The following UTP18 variants were observed in gnomAD, a reference collection of about 807,000 sequenced individuals.
UTP18 encodes the protein UTP18 small subunit processome component, also known as U3 small nucleolar RNA-associated protein 18 homolog.
A neutral mutation model predicts 61.1 loss-of-function variants in UTP18; 36 were observed. That is an observed-to-expected ratio of 0.59 (90% CI 0.45 to 0.78). The LOEUF (loss-of-function observed/expected upper bound fraction) is 0.78. Among genes scored for constraint, UTP18 ranks in the 30% least tolerant of loss-of-function variants. UTP18 has a pLI of 0.00. For synonymous variants in UTP18, 282 were observed against 251.1 expected (o/e 1.12, Z -1.16); for missense variants, 753 against 693.9 (o/e 1.09, Z -0.96).
intron 6 of UTP18, 139 bp downstream of exon 6, chr17:51,276,130 A>T: frequency 2.5e-6 from 2 of 798,584 alleles, no homozygotes; most frequent in East Asian, 3.3e-5. Context: ...GCTAAGTCTC[A>T]CAGAAGTGAC....
chr17:51,289,529 C>A (rs367563218), intron 11 of UTP18, among the ~76,000 whole-genome samples: 1 of 151,906 alleles, frequency 6.6e-6, no homozygotes. Context: ...AGGATAGCAG[C>A]CTTGGGCCTA....
At chr17:51,264,280 C>T (rs1038539850) in intron 2 of UTP18, among the ~76,000 whole-genome samples, 2 of 152,090 alleles carry the variant, frequency 1.3e-5, no homozygotes, top group Non-Finnish European at 2.9e-5. Context: ...CTCCTGACCT[C>T]AAGTATACAC....
intron 9 of UTP18, among the ~76,000 whole-genome samples, chr17:51,281,705 T>C (rs1260955101): frequency 2.0e-5 from 3 of 152,130 alleles, no homozygotes; most frequent in South Asian, 2.1e-4. Flanking sequence ...CCTGTAGTTA[T>C]GCAAAATGTT....
chr17:51,277,390 A>C, intron 7 of UTP18, 86 bp downstream of exon 7: 1 of 1,406,838 alleles, frequency 7.1e-7, no homozygotes. Context: ...TTTTCACTCC[A>C]TAGGATTCTT....
intron 10 of UTP18, 152 bp from the exon 11 acceptor site, chr17:51,287,877 A>G (rs915579552): frequency 4.7e-5 from 23 of 493,140 alleles, no homozygotes; most frequent in African/African-American, 1.2e-4. Flanking sequence ...TGGAGGTTCT[A>G]TAGGACATCT....
intron 1 of UTP18, among the ~76,000 whole-genome samples, chr17:51,261,502 A>G (rs1487602861): frequency 6.6e-6 from 1 of 152,326 alleles, no homozygotes; most frequent in African/African-American, 2.4e-5. Context: ...ACATTTTGCT[A>G]TCCCTTTAAA....
chr17:51,268,413 A>G (rs1904382429), intron 3 of UTP18, among the ~76,000 whole-genome samples: 1 of 152,188 alleles, frequency 6.6e-6, no homozygotes, highest in African/African-American at 2.4e-5. Context: ...TATTCAGATG[A>G]TATATAATGA....
intron 9 of UTP18, among the ~76,000 whole-genome samples, chr17:51,282,702 A>C (rs1303529437): frequency 6.6e-6 from 1 of 152,170 alleles, no homozygotes; most frequent in Non-Finnish European, 1.5e-5. Flanking sequence ...TAATGTATTT[A>C]CAAATTTGGT....
intron 3 of UTP18, among the ~76,000 whole-genome samples, chr17:51,268,315 G>A (rs113652666): frequency 1.3e-5 from 2 of 152,122 alleles, no homozygotes; most frequent in Non-Finnish European, 2.9e-5. Context: ...CGTGAGCCAT[G>A]GCGCCCGGCC....
At position 51,266,205 on chromosome 17, in the gene UTP18, T is replaced by G; in HGVS notation, c.479T>G (p.Phe160Cys). The G allele has an allele frequency of 6.3e-7, 1 of 1,599,252 alleles. No homozygotes were observed. Among genetic ancestry groups the G allele is most frequent in the Non-Finnish European group, 8.5e-7 (1 of 1,175,356 alleles). ...EEMVDMMNNR[F>C]RKDMMKNASE... The stretch of plus-strand genomic sequence containing the variant: ...AGGGTTGACATGATGAACAATCGGT[T>G]TCGGAAGGATATGATGAAAAATGCT... Residue 160 changes from phenylalanine (F) to cysteine (C), a missense_variant, in exon 3 of 14, where the codon TTT becomes TGT. Transcript: ENST00000225298.
intron 11 of UTP18, among the ~76,000 whole-genome samples, chr17:51,288,816 A>G (rs1006687134): frequency 3.3e-5 from 5 of 152,206 alleles, no homozygotes; most frequent in Non-Finnish European, 7.4e-5. Context: ...GAAAGGGTAC[A>G]TGGAGTAAAG....
chr17:51,266,597 T>C (rs1190682477), intron 3 of UTP18, among the ~76,000 whole-genome samples: 1 of 152,238 alleles, frequency 6.6e-6, no homozygotes. Flanking sequence ...CTGGGTTCAA[T>C]GGTTTTTAAC....
chr17:51,272,815 G>A (rs768834866), intron 4 of UTP18, among the ~76,000 whole-genome samples: 3 of 152,126 alleles, frequency 2.0e-5, no homozygotes, highest in Admixed American at 6.5e-5. Flanking sequence ...TCTTAGCTCC[G>A]CAAGTGTTTT....
At position 51,260,902 on chromosome 17, in the gene UTP18, G is replaced by A. The variant is rs1427398148; in HGVS notation, c.318G>A (p.Leu106=). The A allele has an allele frequency of 3.1e-6, 5 of 1,593,324 alleles. No homozygotes were observed. Among genetic ancestry groups the A allele is most frequent in the Non-Finnish European group, 2.6e-6 (3 of 1,171,460 alleles). The change falls in exon 1 of 14, where the codon TTG becomes TTA. Residue 106 remains leucine, a synonymous_variant. Transcript: ENST00000225298. ...ACGTCGAGAACGACGAGGACGCGTT[G>A]CTGCGGCGTCTGCGAGGCCCGAGGG... is the stretch of plus-strand genomic sequence containing the variant. ...FGDVENDEDA[L]LRRLRGPRVQ... is the part of the protein sequence containing the mutation.
chr17:51,265,831 G>T (rs1465720361), intron 2 of UTP18, among the ~76,000 whole-genome samples: 1 of 152,104 alleles, frequency 6.6e-6, no homozygotes, highest in Non-Finnish European at 1.5e-5. Context: ...CAAAGTGCTG[G>T]GATTACAGGC....
intron 11 of UTP18, among the ~76,000 whole-genome samples, chr17:51,291,165 A>T (rs1209540250): frequency 6.6e-6 from 1 of 152,174 alleles, no homozygotes; most frequent in African/African-American, 2.4e-5. Context: ...AGGCCGAGGC[A>T]GATGGATCAC....
Position 51,296,994 on chromosome 17 carries a change from A to T in UTP18, c.*5A>T. On this transcript the variant is annotated 3_prime_UTR_variant, in exon 13 of 14. Transcript: ENST00000225298. ...CACCATTACTCAGACTTCTAAAGAG[A>T]CTATTTGAAGTAAGAAAACCCTTTT... 6.2e-7 allele frequency: 1 copy of T among 1,604,284 alleles called. No homozygotes were observed.
chr17:51,261,031 C>A (rs2055454215), intron 1 of UTP18, 105 bp downstream of exon 1: 7 of 1,104,938 alleles, frequency 6.3e-6, no homozygotes, highest in Admixed American at 4.4e-5. Flanking sequence ...CGGCGGGGAG[C>A]GCTCAGGTGG....
chr17:51,282,379 G>A (rs1231858953), intron 9 of UTP18, among the ~76,000 whole-genome samples: 1 of 151,750 alleles, frequency 6.6e-6, no homozygotes, highest in African/African-American at 2.4e-5. Context: ...ATTTACATTG[G>A]TATGTTTTTA....
Sources: gnomAD v4.1 joint callset for allele counts (sites outside exome capture counted in the v4.1 genomes callset) on GRCh38, gnomAD v4.1.1 for gene constraint, MANE v1.5 for transcripts, NCBI Gene and HGNC (gene_info 2026-07-23, HGNC 2026-07-21) for gene names.